HSPA12B: variants seen among roughly 807,000 people sequenced by gnomAD.
HSPA12B encodes heat shock 70 kDa protein 12B.
Under a neutral mutation model 69.3 loss-of-function variants are expected in HSPA12B, and 54 were observed. The observed-to-expected ratio is 0.78, with a 90% CI of 0.63 to 0.98. HSPA12B has a LOEUF of 0.98. Ranked by LOEUF, HSPA12B falls within the 50% of genes least tolerant of loss-of-function variation. The pLI is 0.00. For synonymous variants in HSPA12B, 441 were observed against 436.5 expected, an observed-to-expected ratio of 1.01 and a Z score of -0.13; for missense variants, 929 against 999.8, an observed-to-expected ratio of 0.93 and a Z score of 0.96.
chr20:3,751,411 G>A, intron 12 of HSPA12B, 100 bp from the exon 13 acceptor site: 1 of 1,353,828 alleles, frequency 7.4e-7, no homozygotes, highest in South Asian at 1.9e-5. Context: ...CTAGGGAGGG[G>A]AGGCGCCGGT....
Position 3,749,094 on chromosome 20 carries a change from G to T in HSPA12B, c.851-138G>T, listed in dbSNP as rs537190352. On this transcript the variant is annotated intron_variant, in intron 8 of 12. Coordinates refer to ENST00000254963, the MANE Select transcript of HSPA12B (RefSeq NM_052970.5). This position sits in a 1 kb window ranked among gnomAD's most constrained non-coding sequence, Gnocchi z 5.5. The stretch of plus-strand genomic sequence containing the variant: ...TGGGGTTCAGGATTGCCCTCTCCCA[G>T]TCAGGAGCAGGTTGGAGTTTCAGGA... 2 of 684,630 alleles carry T rather than the reference G, an allele frequency of 2.9e-6. No homozygotes were observed. The highest frequency in any genetic ancestry group is 1.8e-5 in the South Asian group (1 of 55,370). 42.4% of individuals were successfully genotyped at this position (684,630 alleles called of 1,614,324 possible).
At chr20:3,738,188 T>C (rs1440494866) in intron 1 of HSPA12B, among the ~76,000 whole-genome samples, 1 of 152,168 alleles carries the variant, frequency 6.6e-6, no homozygotes, top group Non-Finnish European at 1.5e-5. Flanking sequence ...CCCCGCATTA[T>C]CCAACTTTGA....
rs1373335831 is a variant in HSPA12B at position 3,752,201 on chromosome 20, G to GGCCCC, written c.*40_*44dup. 3 of 1,444,550 alleles carry GGCCCC rather than the reference G, an allele frequency of 2.1e-6. No individual in the cohort carries two copies. The highest frequency in any genetic ancestry group is 2.6e-5 in the East Asian group (1 of 38,748). 89.5% of individuals were successfully genotyped at this position (1,444,550 alleles called of 1,614,324 possible). The stretch of plus-strand genomic sequence containing the variant: ...GGCGCGGTGCCAGCGCCGTCTGCCC[G>GGCCCC]GCCCCGCCCTCTTTCGGTTCAGGGG... On this transcript the variant is annotated 3_prime_UTR_variant, in exon 13 of 13. Coordinates refer to ENST00000254963, the MANE Select transcript of HSPA12B (RefSeq NM_052970.5).
Position 3,749,967 on chromosome 20 carries a change from AG to A in HSPA12B, c.1046del. 6.4e-7 allele frequency: 1 copy of A among 1,562,810 alleles called. No homozygotes were observed. Among genetic ancestry groups the A allele is most frequent in the Admixed American group, 1.9e-5 (1 of 52,900 alleles). On this transcript the variant is annotated splice_acceptor_variant, in intron 10 of 12. Coordinates refer to ENST00000254963, the MANE Select transcript of HSPA12B (RefSeq NM_052970.5). LOFTEE classifies it high-confidence loss of function. The surrounding 1 kb of genome is among the most constrained non-coding windows in gnomAD (Gnocchi z 5.5). ...CCCTCTTCGCCCCCTGCTCCACCCC[AG>A]GGGGCCCTTATGGCGCGGTGGGCGT...
At chr20:3,741,063 C>T in intron 3 of HSPA12B, 151 bp downstream of exon 3, 1 of 626,354 alleles carries the variant, frequency 1.6e-6, no homozygotes, top group Non-Finnish European at 2.7e-6. Context: ...AGTCATGTGC[C>T]CCCCAGAAGG....
intron 2 of HSPA12B, among the ~76,000 whole-genome samples, chr20:3,739,892 T>C (rs1460434205): frequency 6.6e-6 from 1 of 152,146 alleles, no homozygotes; most frequent in Non-Finnish European, 1.5e-5. Context: ...CTAGCCAGCC[T>C]CCCTGGCCTG....
rs1331885937 is a variant in HSPA12B, at chr20:3,744,600, T to C, written c.267-302T>C. Reference sequence around the variant, plus strand: ...ATATCCTCCTCCTTGGTTTCCTTTCTCCATGCTCCCTTCCCTGCATTCTGT... The same window carrying C: ...ATATCCTCCTCCTTGGTTTCCTTTCCCCATGCTCCCTTCCCTGCATTCTGT... On this transcript the variant is annotated intron_variant, in intron 4 of 12. Coordinates refer to ENST00000254963, the MANE Select transcript of HSPA12B (RefSeq NM_052970.5). The surrounding 1 kb of genome is among the most constrained non-coding windows in gnomAD (Gnocchi z 4.9). 6.6e-6 allele frequency among the ~76,000 whole-genome samples: 1 copy of C among 152,228 alleles called. No homozygotes were observed. Among genetic ancestry groups the C allele is most frequent in the East Asian group, 1.9e-4 (1 of 5,202 alleles).
chr20:3,750,033 C>T lies in HSPA12B; in HGVS notation c.1107C>T (p.Gly369=), dbSNP rs2088384252. 1.2e-6 allele frequency: 2 copies of T among 1,603,204 alleles called. No homozygotes were observed. The highest frequency in any genetic ancestry group is 1.7e-6 in the Non-Finnish European group (2 of 1,175,614). Residue 369 remains glycine (G), a synonymous_variant, in exon 11 of 13, where the codon GGC becomes GGT. Transcript: ENST00000254963. ...AGCAGCTGCTGTGCCGCATCTTCGG[C>T]GAGGACTTCATCGCCACCTTCAAAA... The part of the protein sequence containing the change: ...AFEQLLCRIF[G]EDFIATFKRQ...
At position 3,738,587 on chromosome 20, in the gene HSPA12B, T is replaced by C. The variant is rs1255589461; in HGVS notation, c.-17-71T>C. The C allele has an allele frequency of 2.8e-6, 4 of 1,433,216 alleles. No individual in the cohort carries two copies. The East Asian group carries it at 9.2e-5, about 33-fold the overall frequency. The allele number at this position is 1,433,216 out of a possible 1,614,324, so 88.8% of individuals were successfully genotyped here. A position where few individuals can be genotyped will look rare whatever the true frequency, so the allele number is the denominator to read the frequency against. Reference sequence around the variant, plus strand: ...TCCAGCCAAAAGTAAACAAATAAAATAAATAAGCATTCAGATGAGGGAACA... The same window carrying C: ...TCCAGCCAAAAGTAAACAAATAAAACAAATAAGCATTCAGATGAGGGAACA... On this transcript the variant is annotated intron_variant, in intron 1 of 12. Coordinates refer to ENST00000254963, the MANE Select transcript of HSPA12B (RefSeq NM_052970.5).
In HSPA12B at chr20:3,749,271, T is replaced by G. The variant is rs761852096; in HGVS notation, c.890T>G (p.Phe297Cys). 23 of 1,613,634 alleles carry G rather than the reference T, an allele frequency of 1.4e-5. No individual in the cohort carries two copies. The change falls in exon 9 of 13, where the codon TTC (phenylalanine) becomes TGC (cysteine). Residue 297 changes from phenylalanine to cysteine, a missense_variant. Transcript: ENST00000254963. The surrounding 1 kb of genome is among the most constrained non-coding windows in gnomAD (Gnocchi z 5.5). ...QLRRSRHSRT[F>C]LVESGVGELW... ...CGAAGGTCCCGCCACAGCCGCACGT[T>G]CCTGGTGGAGTCAGGCGTAGGAGAG...
chr20:3,742,440 G>C (rs1350772582), intron 4 of HSPA12B, 32 bp downstream of exon 4: 2 of 1,492,640 alleles, frequency 1.3e-6, no homozygotes, highest in South Asian at 2.7e-5. Flanking sequence ...GAGTGAGGTG[G>C]GGAAGGTGGG....
rs760272735 is a variant in HSPA12B at position 3,740,890 on chromosome 20, C to A, written c.119C>A (p.Pro40His). ...PRTQESCGIA[P>H]LTPSQSPKPE... ...ACCCAGGAAAGCTGCGGCATTGCCC[C>A]CCTCACACCCTCGCAGTCTCCAGTA... Residue 40 changes from proline (P) to histidine (H), a missense_variant, in exon 3 of 13, where the codon CCC becomes CAC. Coordinates refer to ENST00000254963, the MANE Select transcript of HSPA12B (RefSeq NM_052970.5). The surrounding 1 kb of genome is among the most constrained non-coding windows in gnomAD (Gnocchi z 4.9). 1 of 1,613,258 alleles carries A rather than the reference C, an allele frequency of 6.2e-7. No homozygotes were observed. The highest frequency in any genetic ancestry group is 1.7e-5 in the Admixed American group (1 of 59,898).
chr20:3,749,985 G>T lies in HSPA12B; in HGVS notation c.1059G>T (p.Ala353=). Residue 353 remains alanine, a synonymous_variant, in exon 11 of 13, where the codon GCG becomes GCT. Coordinates refer to ENST00000254963, the MANE Select transcript of HSPA12B (RefSeq NM_052970.5). This position sits in a 1 kb window ranked among gnomAD's most constrained non-coding sequence, Gnocchi z 5.5. The part of the protein sequence containing the change: ...LYKASGGPYG[A]VGVDLAFEQL... ...CCACCCCAGGGGGCCCTTATGGCGC[G>T]GTGGGCGTGGACCTGGCCTTCGAGC... The T allele has an allele frequency of 1.3e-6, 2 of 1,571,860 alleles. No individual in the cohort carries two copies. The highest frequency in any genetic ancestry group is 1.7e-6 in the Non-Finnish European group (2 of 1,158,514).
chr20:3,750,713 G>A, intron 11 of HSPA12B, 91 bp from the exon 12 acceptor site: 3 of 1,600,076 alleles, frequency 1.9e-6, no homozygotes, highest in East Asian at 2.2e-5. Context: ...CTGCCTGGAG[G>A]CAGAGGTAGA....
Position 3,751,974 on chromosome 20 carries a change from C to A in HSPA12B, c.1869C>A (p.Gly623=). The A allele has an allele frequency of 6.3e-7, 1 of 1,577,960 alleles. No individual in the cohort carries two copies. The highest frequency in any genetic ancestry group is 1.8e-5 in the Admixed American group (1 of 56,890). The change falls in exon 13 of 13, where the codon GGC becomes GGA. Residue 623 remains glycine (G), a synonymous_variant. Coordinates refer to ENST00000254963, the MANE Select transcript of HSPA12B (RefSeq NM_052970.5). The stretch of plus-strand genomic sequence containing the variant: ...ATGCGCGCTTCATCACCGACCCCGG[C>A]GTGCGCAAATGCGGCGCGCTCAGCC... ...AEDARFITDP[G]VRKCGALSLE... is the part of the protein sequence containing the mutation.
In HSPA12B at chr20:3,740,809, C is replaced by T. The variant is rs3827077; in HGVS notation, c.44-6C>T. 0.2 allele frequency: 323,082 copies of T among 1,611,748 alleles called. 34,307 individuals are homozygous for T. Among genetic ancestry groups the T allele is most frequent in the African/African-American group, 0.35 (26,110 of 74,908 alleles). ...GCCAGGATGAACTGCCGTCTCTTCT[C>T]TGCAGGCTCCAGCCCGGAGCGGTCC... On this transcript the variant is annotated splice_region_variant and splice_polypyrimidine_tract_variant and intron_variant, in intron 2 of 12. Coordinates refer to ENST00000254963, the MANE Select transcript of HSPA12B (RefSeq NM_052970.5). The surrounding 1 kb of genome is among the most constrained non-coding windows in gnomAD (Gnocchi z 4.9).
At chr20:3,736,751 G>T (rs151121779) in intron 1 of HSPA12B, among the ~76,000 whole-genome samples, 1 of 152,176 alleles carries the variant, frequency 6.6e-6, no homozygotes, top group Non-Finnish European at 1.5e-5. Context: ...GGCCAGACGC[G>T]GTGGCTTACG....
At chr20:3,741,480 A>G (rs576409031) in intron 3 of HSPA12B, among the ~76,000 whole-genome samples, 10 of 152,168 alleles carry the variant, frequency 6.6e-5, no homozygotes, top group Admixed American at 5.9e-4. Context: ...AAAAAATACA[A>G]CAATTAGCTG....
At position 3,750,147 on chromosome 20, in the gene HSPA12B, C is replaced by T; in HGVS notation, c.1221C>T (p.Asn407=). 6.2e-7 allele frequency: 1 copy of T among 1,611,756 alleles called. No homozygotes were observed. The highest frequency in any genetic ancestry group is 8.5e-7 in the Non-Finnish European group (1 of 1,179,342). The change falls in exon 11 of 13, where the codon AAC becomes AAT. Residue 407 remains asparagine, a synonymous_variant. Coordinates refer to ENST00000254963, the MANE Select transcript of HSPA12B (RefSeq NM_052970.5). ...TAGPHRAGAL[N]ISLPFSFIDF... is the part of the protein sequence containing the mutation. ...GCCCACACCGTGCAGGGGCGCTCAA[C>T]ATCTCGCTGCCCTTCTCCTTCATTG...
Sources: gnomAD v4.1 joint callset for allele counts (sites outside exome capture counted in the v4.1 genomes callset) on GRCh38, gnomAD v4.1.1 for gene constraint, Gnocchi (gnomAD v3.1) non-coding constraint, MANE v1.5 for transcripts, NCBI Gene and HGNC (gene_info 2026-07-23, HGNC 2026-07-21) for gene names.